Variants in ITFG1 observed in about 807,000 individuals in gnomAD.
The protein encoded by ITFG1 is T-cell immunomodulatory protein.
A neutral mutation model predicts 81.8 loss-of-function variants in ITFG1; 34 were observed. The ratio of observed to expected loss-of-function variants is 0.42; its 90% CI spans 0.32 to 0.55. The LOEUF is 0.55. ITFG1 is among the 20% of genes least tolerant of loss of function. The probability of loss-of-function intolerance (pLI) is 0.17; values close to 1 mark genes in which losing one functional copy is unlikely to be tolerated. For synonymous variants in ITFG1, 285 were observed against 270.6 expected (o/e 1.05, Z -0.52); for missense variants, 672 against 755.4 (o/e 0.89, Z 1.29).
At chr16:47,185,779 T>TGAACTGA (rs1387980195) in intron 14 of ITFG1, among the ~76,000 whole-genome samples, 1 of 151,802 alleles carries the variant, frequency 6.6e-6, no homozygotes, top group African/African-American at 2.4e-5. Flanking sequence ...CTGAAGGAAA[T>TGAACTGA]AGGGACACAA....
intron 5 of ITFG1, among the ~76,000 whole-genome samples, chr16:47,437,534 G>A (rs1969183377): frequency 6.6e-6 from 1 of 151,134 alleles, no homozygotes; most frequent in African/African-American, 2.4e-5. Flanking sequence ...GATTCAAAAT[G>A]TCCAAGGTGT....
At chr16:47,160,584 A>G (rs1032523269) in intron 16 of ITFG1, among the ~76,000 whole-genome samples, 2 of 152,166 alleles carry the variant, frequency 1.3e-5, no homozygotes, top group African/African-American at 2.4e-5. Context: ...ATACAGGCTC[A>G]TTAAAAAAAA....
In ITFG1 at chr16:47,218,940, C is replaced by A; in HGVS notation, c.1381G>T (p.Gly461Ter). 1 of 1,577,758 alleles carries A rather than the reference C, an allele frequency of 6.3e-7. No homozygotes were observed. Among genetic ancestry groups the A allele is most frequent in the South Asian group, 1.2e-5 (1 of 85,454 alleles). The change falls in exon 14 of 18, where the codon GGA becomes TGA. Residue 461 changes from glycine (G) to a stop codon, truncating the protein, a stop_gained. Transcript: ENST00000320640. LOFTEE classifies it high-confidence loss of function. The part of the protein sequence containing the change: ...NDCPRKITPF[G>*]VNQPGPYIMY... The stretch of plus-strand genomic sequence containing the variant: ...ATATAAGGTCCAGGTTGATTCACTC[C>A]AAAGGGCTGCAATAGAAAAAAAAAA...
chr16:47,179,570 T>C (rs149326399), intron 14 of ITFG1, among the ~76,000 whole-genome samples: 184 of 152,314 alleles, frequency 1.2e-3, no homozygotes, highest in Non-Finnish European at 2.3e-3. Flanking sequence ...CTAAAAATCA[T>C]TGAATTGTAC....
intron 6 of ITFG1, among the ~76,000 whole-genome samples, chr16:47,378,991 C>T (rs55905979): frequency 6.6e-6 from 1 of 152,178 alleles, no homozygotes; most frequent in Non-Finnish European, 1.5e-5. Context: ...AGGATTTATT[C>T]TCTCAGCTTC....
intron 14 of ITFG1, among the ~76,000 whole-genome samples, chr16:47,205,461 G>C (rs1965481201): frequency 6.6e-6 from 1 of 152,150 alleles, no homozygotes; most frequent in Admixed American, 6.5e-5. Flanking sequence ...GTGTATTTCT[G>C]AATCGGGATG....
chr16:47,398,327 T>C (rs901676526), intron 6 of ITFG1, among the ~76,000 whole-genome samples: 4 of 152,184 alleles, frequency 2.6e-5, no homozygotes, highest in African/African-American at 7.2e-5. Flanking sequence ...AGTATCTGGA[T>C]TCCTCCTGAA....
At chr16:47,441,140 A>T (rs1457615641) in intron 5 of ITFG1, among the ~76,000 whole-genome samples, 1 of 152,198 alleles carries the variant, frequency 6.6e-6, no homozygotes, top group Non-Finnish European at 1.5e-5. Context: ...AAGAAGTTGA[A>T]TCTCTGAGTA....
At chr16:47,312,471 A>C (rs1967280870) in intron 9 of ITFG1, among the ~76,000 whole-genome samples, 1 of 152,188 alleles carries the variant, frequency 6.6e-6, no homozygotes, top group African/African-American at 2.4e-5. Flanking sequence ...CCAGGGAAAA[A>C]GGAAACTTGG....
At chr16:47,442,949 T>C (rs942498904) in intron 5 of ITFG1, among the ~76,000 whole-genome samples, 1 of 152,196 alleles carries the variant, frequency 6.6e-6, no homozygotes, top group South Asian at 2.1e-4. Context: ...GAAACCACCA[T>C]CAGAGTGAAC....
intron 5 of ITFG1, among the ~76,000 whole-genome samples, chr16:47,434,656 C>T (rs142953753): frequency 6.6e-6 from 1 of 152,198 alleles, no homozygotes; most frequent in Non-Finnish European, 1.5e-5. Context: ...CCTCAAAGAC[C>T]GAGAGGCAGA....
At chr16:47,233,235 G>C (rs1423920845) in intron 13 of ITFG1, among the ~76,000 whole-genome samples, 1 of 152,192 alleles carries the variant, frequency 6.6e-6, no homozygotes, top group African/African-American at 2.4e-5. Flanking sequence ...AGAGAACTAA[G>C]GTCACAGGAC....
At chr16:47,375,457 G>A (rs1399911552) in intron 7 of ITFG1, among the ~76,000 whole-genome samples, 1 of 150,980 alleles carries the variant, frequency 6.6e-6, no homozygotes, top group Non-Finnish European at 1.5e-5. Context: ...CCTAGTCAAC[G>A]TGGCAGTAAG....
At chr16:47,359,659 C>T (rs1968084715) in intron 8 of ITFG1, among the ~76,000 whole-genome samples, 1 of 152,194 alleles carries the variant, frequency 6.6e-6, no homozygotes, top group Non-Finnish European at 1.5e-5. Context: ...CACTACAAGA[C>T]CTGGCCAAGT....
chr16:47,348,154 C>T (rs1008605509), intron 8 of ITFG1, among the ~76,000 whole-genome samples: 1 of 152,138 alleles, frequency 6.6e-6, no homozygotes, highest in African/African-American at 2.4e-5. Context: ...ATCAGAGCAC[C>T]TCTCCTCCTC....
chr16:47,311,494 G>T, intron 9 of ITFG1, 82 bp from the exon 10 acceptor site: 1 of 1,069,234 alleles, frequency 9.4e-7, no homozygotes, highest in Non-Finnish European at 1.3e-6. Context: ...GATCCATTAA[G>T]TTTTCAAGAT....
chr16:47,400,263 C>A (rs35183491), intron 6 of ITFG1, among the ~76,000 whole-genome samples: 48,628 of 152,004 alleles, frequency 0.32, 8,131 homozygotes, highest in Non-Finnish European at 0.38. Flanking sequence ...GTGGCTCAGG[C>A]CTGTAATTCC....
chr16:47,367,885 G>C lies in ITFG1; in HGVS notation c.721-2016C>G, dbSNP rs146221999. On this transcript the variant is annotated intron_variant, in intron 7 of 17. Coordinates refer to ENST00000320640, the MANE Select transcript of ITFG1 (RefSeq NM_030790.5). The stretch of plus-strand genomic sequence containing the variant: ...ACCTAGAACCTGAAACTGCACTAGA[G>C]ATGTGTCATAGTTGCCAAATCCCTA... Among the ~76,000 whole-genome samples the C allele has an allele frequency of 1.0e-3, 158 of 152,312 alleles. 1 individual carries two copies. Among genetic ancestry groups the C allele is most frequent in the African/African-American group, 3.6e-3 (151 of 41,564 alleles).
chr16:47,210,804 C>T (rs1049793590), intron 14 of ITFG1, among the ~76,000 whole-genome samples: 9 of 152,148 alleles, frequency 5.9e-5, no homozygotes, highest in Non-Finnish European at 1.2e-4. Context: ...ATTTCATAAT[C>T]AATGTATCTG....
Sources: gnomAD v4.1 joint callset for allele counts (sites outside exome capture counted in the v4.1 genomes callset) on GRCh38, gnomAD v4.1.1 for gene constraint, MANE v1.5 for transcripts, NCBI Gene and HGNC (gene_info 2026-07-23, HGNC 2026-07-21) for gene names.